Variants in HAUS7 observed in about 807,000 individuals in gnomAD.
HAUS7 encodes HAUS augmin like complex subunit 7, also known as HAUS augmin-like complex subunit 7.
Under a neutral mutation model 28.4 loss-of-function variants are expected in HAUS7, and 3 were observed. The ratio of observed to expected loss-of-function variants is 0.11; its 90% confidence interval spans 0.05 to 0.27. The LOEUF is 0.27. Among genes scored for constraint, HAUS7 ranks in the 10% least tolerant of loss-of-function variants. The pLI is 1.00. For missense variants in HAUS7, 284 were observed against 297.3 expected, an observed-to-expected ratio of 0.96 and a Z score of 0.33; for synonymous variants, 165 against 132.1, an observed-to-expected ratio of 1.25 and a Z score of -1.71.
chrX:153,486,377 C>T (rs1301723927), intron 1 of HAUS7, among the ~76,000 whole-genome samples: 5 of 112,639 alleles, frequency 4.4e-5, no homozygotes, highest in Middle Eastern at 4.2e-3. Context: ...AGGCAGTGGC[C>T]GGATGCTGGC....
At chrX:153,484,626 G>A (rs1412166743) in intron 1 of HAUS7, among the ~76,000 whole-genome samples, 1 of 112,810 alleles carries the variant, frequency 8.9e-6, no homozygotes, top group Non-Finnish European at 1.9e-5. Context: ...CCATTCCAGG[G>A]ACCAGAGCCT....
In HAUS7 at chrX:153,469,099, C is replaced by A. The variant is rs781843131; in HGVS notation, c.224+47G>T. ...ATCTTCCCCAGGTGGGGCTGGCTGG[C>A]GCCCATGCACACCCCAGGTGGGAAG... On this transcript the variant is annotated intron_variant, in intron 2 of 9. Coordinates refer to ENST00000370211, the MANE Select transcript of HAUS7 (RefSeq NM_001385482.1). The A allele has an allele frequency of 4.1e-6, 3 of 731,863 alleles. No homozygotes were observed. In the Admixed American group the frequency reaches 7.0e-5, roughly 17 times the overall value. 60.3% of individuals were successfully genotyped at this position (731,863 alleles called of 1,213,427 possible). A position where few individuals can be genotyped will look rare whatever the true frequency, so the allele number is the denominator to read the frequency against.
At chrX:153,482,229 C>T in intron 1 of HAUS7, 3 of 648,634 alleles carry the variant, frequency 4.6e-6, no homozygotes, top group Non-Finnish European at 5.5e-6. Context: ...CAACAGAGTG[C>T]CCTTGGTCAG....
intron 8 of HAUS7, 147 bp downstream of exon 8, chrX:153,455,395 C>T: frequency 2.2e-6 from 1 of 462,244 alleles, no homozygotes; most frequent in Non-Finnish European, 3.7e-6. Flanking sequence ...AGCAGGGAGC[C>T]CAGCCCAGCC....
intron 1 of HAUS7, among the ~76,000 whole-genome samples, chrX:153,491,673 G>A (rs2089671846): frequency 8.8e-6 from 1 of 113,228 alleles, no homozygotes; most frequent in African/African-American, 3.2e-5. Context: ...CTCAGAGCAG[G>A]GAGACCACAG....
chrX:153,470,231 G>T (rs2089504009), intron 1 of HAUS7, among the ~76,000 whole-genome samples: 1 of 113,280 alleles, frequency 8.8e-6, no homozygotes, highest in Non-Finnish European at 1.9e-5. Context: ...CAACTACCAG[G>T]CACGGGCCGT....
At chrX:153,452,547 A>G (rs2089252806) in intron 9 of HAUS7, among the ~76,000 whole-genome samples, 1 of 112,553 alleles carries the variant, frequency 8.9e-6, no homozygotes, top group South Asian at 3.6e-4. Context: ...AGGGAATTAA[A>G]ATGGTGTACC....
In HAUS7 at chrX:153,456,383, A is replaced by G. The variant is rs7066431; in HGVS notation, c.606-19T>C. The G allele has an allele frequency of 0.027, 31,696 of 1,182,264 alleles. 2,935 individuals carry two copies. The African/African-American group carries it at 0.37, about 14-fold the overall frequency. On this transcript the variant is annotated intron_variant, in intron 6 of 9. Coordinates refer to ENST00000370211, the MANE Select transcript of HAUS7 (RefSeq NM_001385482.1). Reference sequence around the variant, plus strand: ...ACTGGCCCTGCAGGGAGAGAAAGGGAACACTTGCAACTCACCGCTGCCAGG... The same window carrying G: ...ACTGGCCCTGCAGGGAGAGAAAGGGGACACTTGCAACTCACCGCTGCCAGG...
intron 5 of HAUS7, 158 bp downstream of exon 5, chrX:153,456,979 T>TG (rs782315168): frequency 2.2e-6 from 1 of 463,693 alleles, no homozygotes; most frequent in African/African-American, 2.4e-5. Flanking sequence ...CTTGCCCGTA[T>TG]GCTGCCCGGC....
intron 2 of HAUS7, among the ~76,000 whole-genome samples, chrX:153,467,696 T>C (rs1317012596): frequency 8.9e-6 from 1 of 112,575 alleles, no homozygotes; most frequent in African/African-American, 3.2e-5. Context: ...CCCAGTCACG[T>C]CTGCAGCGCG....
At chrX:153,478,928 C>G (rs1303150397) in intron 1 of HAUS7, among the ~76,000 whole-genome samples, 1 of 112,527 alleles carries the variant, frequency 8.9e-6, no homozygotes, top group African/African-American at 3.2e-5. Flanking sequence ...GACAGAAGCC[C>G]CATTCATGGA....
upstream of HAUS7, among the ~76,000 whole-genome samples, chrX:153,472,373 C>T (rs930270117): frequency 1.1e-3 from 125 of 110,762 alleles, no homozygotes; most frequent in African/African-American, 4.0e-3. Context: ...TGGAGATGGT[C>T]GCTGAAGACC....
chrX:153,448,288 G>A (rs1033132771), intron 9 of HAUS7, among the ~76,000 whole-genome samples: 3 of 106,386 alleles, frequency 2.8e-5, no homozygotes, highest in South Asian at 4.2e-4. Flanking sequence ...GCAAACTATC[G>A]CAAGGACAAA....
chrX:153,474,580 C>T (rs566649678), upstream of HAUS7, among the ~76,000 whole-genome samples: 1 of 111,350 alleles, frequency 9.0e-6, no homozygotes, highest in African/African-American at 3.3e-5. Flanking sequence ...AGTGGCTCAG[C>T]GGTCCATCTT....
intron 2 of HAUS7, among the ~76,000 whole-genome samples, chrX:153,468,781 G>A (rs1320431544): frequency 8.9e-6 from 1 of 112,690 alleles, no homozygotes; most frequent in Non-Finnish European, 1.9e-5. Flanking sequence ...CATGCCTCCA[G>A]CCTGACCCTT....
At chrX:153,486,305 C>A (rs2089637430) in intron 1 of HAUS7, among the ~76,000 whole-genome samples, 1 of 112,888 alleles carries the variant, frequency 8.9e-6, no homozygotes, top group Admixed American at 9.3e-5. Flanking sequence ...AGCCATCCAC[C>A]CATCTTGGTT....
intron 1 of HAUS7, chrX:153,480,891 G>A (rs182504166): frequency 3.5e-5 from 26 of 753,520 alleles, no homozygotes; most frequent in Non-Finnish European, 4.1e-5. Flanking sequence ...CTGGCAGGCC[G>A]GCAGGGACCC....
At chrX:153,470,117 C>T (rs1165056701) in intron 1 of HAUS7, among the ~76,000 whole-genome samples, 1 of 112,890 alleles carries the variant, frequency 8.9e-6, no homozygotes, top group Admixed American at 9.3e-5. Flanking sequence ...CATCTGTCCC[C>T]CCAGACCCCG....
chrX:153,448,887 A>G (rs782481460), intron 9 of HAUS7, among the ~76,000 whole-genome samples: 2 of 107,655 alleles, frequency 1.9e-5, no homozygotes, highest in South Asian at 8.9e-4. Flanking sequence ...CCCAAGCCCC[A>G]GGGGCAGCAC....
Sources: allele counts gnomAD v4.1 joint callset (sites outside exome capture counted in the v4.1 genomes callset), GRCh38; gene constraint gnomAD v4.1.1; transcripts MANE v1.5; gene names NCBI Gene and HGNC (gene_info 2026-07-23, HGNC 2026-07-21).